Variants in COL24A1 observed in about 807,000 individuals in gnomAD.
COL24A1 encodes collagen type XXIV alpha 1 chain, also known as collagen alpha-1(XXIV) chain.
Under a neutral mutation model 253.9 loss-of-function variants are expected in COL24A1, and 224 were observed. That is an observed-to-expected ratio of 0.88 (90% confidence interval 0.79 to 0.99). COL24A1 has a LOEUF of 0.99. COL24A1 is among the 50% of genes least tolerant of loss of function. COL24A1 has a pLI of 0.00. For missense variants in COL24A1, 2,131 were observed against 2,068.5 expected (o/e 1.03, Z -0.59); for synonymous variants, 685 against 673.7 (o/e 1.02, Z -0.26).
intron 14 of COL24A1, among the ~76,000 whole-genome samples, chr1:86,030,887 C>A (rs183437794): frequency 6.6e-6 from 1 of 152,072 alleles, no homozygotes; most frequent in Admixed American, 6.5e-5. Context: ...CATGAGCCAC[C>A]ATGCCTAGCC....
At chr1:85,850,985 ATGTG>A (rs377211464) in intron 37 of COL24A1, among the ~76,000 whole-genome samples, 1 of 144,656 alleles carries the variant, frequency 6.9e-6, no homozygotes, top group Non-Finnish European at 1.5e-5. Flanking sequence ...GTGTATGTCT[ATGTG>A]TGTGTGTGTG....
chr1:85,787,631 A>G (rs1215171786), intron 47 of COL24A1, among the ~76,000 whole-genome samples: 1 of 152,146 alleles, frequency 6.6e-6, no homozygotes, highest in African/African-American at 2.4e-5. Context: ...ATTTGGGTTG[A>G]TTCCATGCCT....
chr1:86,084,671 G>T (rs1702923443), intron 7 of COL24A1, among the ~76,000 whole-genome samples: 1 of 152,186 alleles, frequency 6.6e-6, no homozygotes, highest in Admixed American at 6.5e-5. Flanking sequence ...AATATTTTTA[G>T]CCAAATGAAT....
chr1:86,089,027 G>T, intron 7 of COL24A1, 147 bp downstream of exon 7: 2 of 546,962 alleles, frequency 3.7e-6, no homozygotes, highest in Non-Finnish European at 6.1e-6. Flanking sequence ...TAGTTTTAGG[G>T]TCAACTTCAA....
At chr1:85,734,196 C>G (rs1246090707) in intron 59 of COL24A1, among the ~76,000 whole-genome samples, 1 of 152,104 alleles carries the variant, frequency 6.6e-6, no homozygotes, top group Non-Finnish European at 1.5e-5. Context: ...AGCCACCATG[C>G]CTGGCCCCAC....
intron 55 of COL24A1, among the ~76,000 whole-genome samples, chr1:85,748,623 G>A (rs12564161): frequency 2.4e-4 from 34 of 143,020 alleles, no homozygotes; most frequent in African/African-American, 5.7e-4. Flanking sequence ...CTGAGGTACC[G>A]GGTTCATCTC....
rs773659335 is a variant in COL24A1 at position 85,895,912 on chromosome 1, A to T, written c.2878-10T>A. ...GGTTTCCAGTCTTACCCTACATGAG[A>T]AAGAAAATTCTTGAGTCAAGTAGTC... On this transcript the variant is annotated splice_polypyrimidine_tract_variant and intron_variant, in intron 30 of 59. Transcript: ENST00000370571. The T allele has an allele frequency of 9.3e-6, 15 of 1,607,766 alleles. No individual in the cohort carries two copies. The highest frequency in any genetic ancestry group is 1.2e-5 in the Non-Finnish European group (14 of 1,178,374).
At chr1:85,756,520 A>C (rs1447530448) in intron 55 of COL24A1, among the ~76,000 whole-genome samples, 1 of 152,250 alleles carries the variant, frequency 6.6e-6, no homozygotes, top group Non-Finnish European at 1.5e-5. Context: ...ATACCGCTTC[A>C]TAACCATTAG....
intron 43 of COL24A1, among the ~76,000 whole-genome samples, chr1:85,833,195 G>C (rs1174992593): frequency 5.9e-5 from 9 of 152,060 alleles, no homozygotes; most frequent in Non-Finnish European, 1.3e-4. Flanking sequence ...CTACAAAATG[G>C]GAGAAAATTT....
intron 3 of COL24A1, 130 bp downstream of exon 3, chr1:86,124,715 A>G: frequency 3.3e-6 from 2 of 602,030 alleles, no homozygotes; most frequent in East Asian, 6.3e-5. Flanking sequence ...CTGTGCCAGA[A>G]TGCATTTCCA....
chr1:85,925,944 C>A (rs1338118702), intron 24 of COL24A1, among the ~76,000 whole-genome samples: 1 of 151,678 alleles, frequency 6.6e-6, no homozygotes, highest in East Asian at 1.9e-4. Context: ...GGCTAATATC[C>A]AGAAACTACA....
intron 12 of COL24A1, among the ~76,000 whole-genome samples, chr1:86,044,769 T>C (rs556939499): frequency 2.1e-4 from 32 of 152,254 alleles, no homozygotes; most frequent in African/African-American, 6.0e-4. Flanking sequence ...TATAATTCAT[T>C]ATAGTAGGAA....
Position 86,050,137 on chromosome 1 carries a change from G to C in COL24A1, c.1892C>G (p.Pro631Arg). ...GSPGEAGQLGPEGERGIPGIR... is the reference protein window; with the variant it reads ...GSPGEAGQLGREGERGIPGIR... ...GAATGGACTTACCCGTTCTCCTTCA[G>C]GTCCCAGTTGTCCCGCTTCTCCAGG... Residue 631 changes from proline to arginine, a missense_variant, in exon 11 of 60, where the codon CCT becomes CGT. By Grantham distance (103) the Pro-to-Arg change is moderately radical (BLOSUM62 -2). Coordinates refer to ENST00000370571, the MANE Select transcript of COL24A1 (RefSeq NM_152890.7). 1 of 1,613,314 alleles carries C rather than the reference G, an allele frequency of 6.2e-7. No homozygotes were observed.
intron 2 of COL24A1, among the ~76,000 whole-genome samples, chr1:86,128,979 T>C (rs895959749): frequency 4.6e-5 from 7 of 151,868 alleles, no homozygotes; most frequent in Non-Finnish European, 8.8e-5. Context: ...ATTTCATTAT[T>C]TTCTATAGCC....
At chr1:85,755,121 A>C (rs1337375943) in intron 55 of COL24A1, among the ~76,000 whole-genome samples, 1 of 152,180 alleles carries the variant, frequency 6.6e-6, no homozygotes, top group African/African-American at 2.4e-5. Flanking sequence ...AAAAACCATA[A>C]AGGTGAGCAG....
rs910808527 is a variant in COL24A1 at position 86,018,472 on chromosome 1, C to G, written c.2257-1268G>C. Among the ~76,000 whole-genome samples the G allele has an allele frequency of 2.9e-4, 44 of 152,234 alleles. 3 individuals carry two copies. Among genetic ancestry groups the G allele is most frequent in the Admixed American group, 2.9e-3 (44 of 15,280 alleles). On this transcript the variant is annotated intron_variant, in intron 18 of 59. Coordinates refer to ENST00000370571, the MANE Select transcript of COL24A1 (RefSeq NM_152890.7). ...CTCTTTAAAGAGATAGAGAAAGGGG[C>G]GAGGGGCTCTCATTGGAGCCCTCTA...
At chr1:85,916,600 C>T (rs938382868) in intron 24 of COL24A1, among the ~76,000 whole-genome samples, 2 of 152,058 alleles carry the variant, frequency 1.3e-5, no homozygotes, top group African/African-American at 2.4e-5. Context: ...GTGTGAGGAT[C>T]GCTTGGACTC....
chr1:85,868,387 T>A (rs313775), intron 37 of COL24A1, 132 bp downstream of exon 37: 235,430 of 540,050 alleles, frequency 0.44, 52,720 homozygotes, highest in South Asian at 0.57. Context: ...TCCTTCTCTC[T>A]AGCCACAGTT....
intron 6 of COL24A1, among the ~76,000 whole-genome samples, chr1:86,091,377 G>C (rs1218343675): frequency 6.6e-6 from 1 of 151,754 alleles, no homozygotes; most frequent in Non-Finnish European, 1.5e-5. Flanking sequence ...AATTGTTTCT[G>C]TAAGCCAATG....
Sources: gnomAD v4.1 joint callset for allele counts (sites outside exome capture counted in the v4.1 genomes callset) on GRCh38, gnomAD v4.1.1 for gene constraint, MANE v1.5 for transcripts, NCBI Gene and HGNC (gene_info 2026-07-23, HGNC 2026-07-21) for gene names.